The following SUN3 variants were observed in gnomAD, a reference collection of about 807,000 sequenced individuals.
SUN3 encodes Sad1 and UNC84 domain containing 3.
In SUN3, 36 loss-of-function variants were observed where a neutral mutation model predicts 48.2. That is an observed-to-expected ratio of 0.75 (90% confidence interval 0.57 to 0.99). The LOEUF (loss-of-function observed/expected upper bound fraction) is 0.99. SUN3 is among the 50% of genes least tolerant of loss of function. SUN3 has a pLI of 0.00. For missense variants in SUN3, 419 were observed against 433.1 expected, an observed-to-expected ratio of 0.97 and a Z score of 0.29; for synonymous variants, 148 against 147.9, an observed-to-expected ratio of 1.00 and a Z score of 0.00.
chr7:48,016,185 C>A (rs1789807112), intron 3 of SUN3, among the ~76,000 whole-genome samples: 1 of 152,114 alleles, frequency 6.6e-6, no homozygotes, highest in African/African-American at 2.4e-5. Flanking sequence ...CAGAAGACAG[C>A]AAGAAAACCT....
intron 2 of SUN3, 67 bp from the exon 3 acceptor site, chr7:48,017,432 T>A: frequency 1.2e-6 from 1 of 860,028 alleles, no homozygotes; most frequent in Non-Finnish European, 1.9e-6. Flanking sequence ...TTACATGTAT[T>A]CATAAGAATT....
chr7:47,987,424 C>G lies in SUN3; in HGVS notation c.980G>C (p.Cys327Ser), dbSNP rs775480556. 1.3e-6 allele frequency: 2 copies of G among 1,579,344 alleles called. No homozygotes were observed. Among genetic ancestry groups the G allele is most frequent in the South Asian group, 1.2e-5 (1 of 84,072 alleles). ...GTTGCTAAAGATATTAAGTTTCACACATAATAAATATTCAGAAACTGCATG... is the reference window on the plus strand; with the variant it reads ...GTTGCTAAAGATATTAAGTTTCACAGATAATAAATATTCAGAAACTGCATG... The part of the protein sequence containing the change: ...LQHAVSEYLL[C>S]VKLNIFSNWG... The change falls in exon 10 of 10, where the codon TGT (cysteine) becomes TCT (serine). Residue 327 changes from cysteine to serine, a missense_variant. Cys to Ser is a moderately radical substitution (Grantham distance 112). Transcript: ENST00000297325.
intron 6 of SUN3, among the ~76,000 whole-genome samples, chr7:48,002,355 T>C (rs1383578857): frequency 3.4e-5 from 5 of 145,562 alleles, no homozygotes; most frequent in Non-Finnish European, 7.4e-5. Flanking sequence ...AGATGGGGTT[T>C]CACCGTTTTA....
chr7:47,994,799 A>G (rs111839511), intron 7 of SUN3, among the ~76,000 whole-genome samples: 4 of 140,020 alleles, frequency 2.9e-5, no homozygotes, highest in African/African-American at 1.1e-4. Context: ...GACCATTGTG[A>G]TCATTGTGGT....
At chr7:48,023,778 A>G (rs558002028) in intron 2 of SUN3, among the ~76,000 whole-genome samples, 1 of 152,344 alleles carries the variant, frequency 6.6e-6, no homozygotes, top group African/African-American at 2.4e-5. Context: ...ACTTGTGTTC[A>G]TGAATTGGAA....
At chr7:48,034,731 A>G in the SUN3 span, among the ~76,000 whole-genome samples, 1 of 152,224 alleles carries the variant, frequency 6.6e-6, no homozygotes, top group East Asian at 1.9e-4. Context: ...CATTGGTAAT[A>G]TACTCATTGT....
chr7:48,019,923 A>C (rs1192554958), intron 2 of SUN3, among the ~76,000 whole-genome samples: 1 of 149,702 alleles, frequency 6.7e-6, no homozygotes, highest in East Asian at 2.0e-4. Context: ...ATACTTCTAA[A>C]CTCATTCTAC....
At chr7:47,994,582 C>T in intron 7 of SUN3, 100 bp from the exon 8 acceptor site, 2 of 1,277,900 alleles carry the variant, frequency 1.6e-6, no homozygotes, top group Non-Finnish European at 2.1e-6. Context: ...CTCTCTTATG[C>T]CTATCAAATA....
chr7:48,005,568 A>G (rs544925522), intron 6 of SUN3, among the ~76,000 whole-genome samples: 4 of 152,322 alleles, frequency 2.6e-5, no homozygotes, highest in Admixed American at 2.0e-4. Flanking sequence ...TTTTAATTGG[A>G]AGATATTAGG....
chr7:48,026,299 GA>G (rs776404854), intron 1 of SUN3, among the ~76,000 whole-genome samples: 2 of 150,966 alleles, frequency 1.3e-5, no homozygotes, highest in East Asian at 1.9e-4. Context: ...TACAAAAAAA[GA>G]AAAAAAAGAA....
chr7:48,025,738 G>T (rs1360148214), intron 2 of SUN3, 139 bp downstream of exon 2: 3 of 466,450 alleles, frequency 6.4e-6, no homozygotes, highest in African/African-American at 2.0e-5. Flanking sequence ...AAACGAAAAA[G>T]CTTTGAGAAT....
chr7:48,035,426 G>T, the SUN3 span: 1 of 670,280 alleles, frequency 1.5e-6, no homozygotes, highest in Non-Finnish European at 2.7e-6. The surrounding 1 kb of genome is among the most constrained non-coding windows in gnomAD (Gnocchi z 4.0). Context: ...TTGGCCCACC[G>T]CTCCCCCTCA....
intron 6 of SUN3, among the ~76,000 whole-genome samples, chr7:47,998,253 G>C (rs1789265767): frequency 6.6e-6 from 1 of 152,248 alleles, no homozygotes; most frequent in East Asian, 1.9e-4. Flanking sequence ...GTTTTGTTTT[G>C]TTTGGCATTC....
intron 3 of SUN3, 92 bp from the exon 4 acceptor site, chr7:48,009,167 A>C (rs1028101585): frequency 2.4e-5 from 31 of 1,266,946 alleles, no homozygotes; most frequent in South Asian, 1.3e-4. Context: ...TAAATAGCAC[A>C]TTGACTCCTG....
At position 48,025,905 on chromosome 7, in the gene SUN3, T is replaced by C. The variant is rs1488944472; in HGVS notation, c.156A>G (p.Thr52=). ...VTRSWKIILS[T]MLTLTFLLVG... ...CAAGAAGAAAAGTCAGTGTAAGCATTGTACTTAGAATAATCTTCCATGATC... is the reference window on the plus strand; with the variant it reads ...CAAGAAGAAAAGTCAGTGTAAGCATCGTACTTAGAATAATCTTCCATGATC... The change falls in exon 2 of 10, where the codon ACA becomes ACG. Residue 52 remains threonine (T), a synonymous_variant. Transcript: ENST00000297325. The C allele has an allele frequency of 8.7e-6, 14 of 1,603,478 alleles. No homozygotes were observed. Among genetic ancestry groups the C allele is most frequent in the East Asian group, 6.7e-5 (3 of 44,790 alleles).
rs769478040 is a variant in SUN3 at position 47,987,255 on chromosome 7, G to C, written c.*75C>G. 6.9e-7 allele frequency: 1 copy of C among 1,445,108 alleles called. No individual in the cohort carries two copies. The highest frequency in any genetic ancestry group is 2.3e-5 in the Admixed American group (1 of 43,520). 89.5% of individuals were successfully genotyped at this position (1,445,108 alleles called of 1,614,324 possible). A position where few individuals can be genotyped will look rare whatever the true frequency, so the allele number is the denominator to read the frequency against. ...CCACTCCCAATTCTCAATTCCTATG[G>C]GTGCGGTATCATCTAAGAGAATAAG... On this transcript the variant is annotated 3_prime_UTR_variant, in exon 10 of 10. Coordinates refer to ENST00000297325, the MANE Select transcript of SUN3 (RefSeq NM_001030019.2).
intron 1 of SUN3, among the ~76,000 whole-genome samples, chr7:48,026,531 T>A (rs1790138713): frequency 6.6e-6 from 1 of 151,776 alleles, no homozygotes; most frequent in Non-Finnish European, 1.5e-5. Flanking sequence ...CACCCAGGAC[T>A]GGAAATTGAG....
At position 48,007,157 on chromosome 7, in the gene SUN3, T is replaced by C; in HGVS notation, c.492+8A>G. 7.3e-7 allele frequency: 1 copy of C among 1,364,346 alleles called. No individual in the cohort carries two copies. Among genetic ancestry groups the C allele is most frequent in the Non-Finnish European group, 1.0e-6 (1 of 988,408 alleles). 84.5% of individuals were successfully genotyped at this position (1,364,346 alleles called of 1,614,324 possible). On this transcript the variant is annotated splice_region_variant and intron_variant, in intron 5 of 9. Transcript: ENST00000297325. ...ACCCTGCCCAACCCGCCTAGCCTCA[T>C]CCAGGACCTCTGTGTGGTCCGGGTC... is the stretch of plus-strand genomic sequence containing the variant.
At chr7:48,007,369 A>T in intron 4 of SUN3, 42 bp from the exon 5 acceptor site, 9 of 1,588,830 alleles carry the variant, frequency 5.7e-6, no homozygotes, top group Non-Finnish European at 7.7e-6. Flanking sequence ...GAAAGTGTAA[A>T]GCTCCTGTTA....
Sources: allele counts gnomAD v4.1 joint callset (sites outside exome capture counted in the v4.1 genomes callset), GRCh38; gene constraint gnomAD v4.1.1; non-coding constraint Gnocchi (gnomAD v3.1); transcripts MANE v1.5; gene names NCBI Gene and HGNC (gene_info 2026-07-23, HGNC 2026-07-21).